GALK2: variants seen among roughly 807,000 people sequenced by gnomAD.
The protein encoded by GALK2 is N-acetylgalactosamine kinase.
Under a neutral mutation model 52.4 loss-of-function variants are expected in GALK2, and 36 were observed. The observed-to-expected ratio is 0.69, with a 90% CI of 0.53 to 0.91. The LOEUF is 0.91. GALK2 is among the 40% of genes least tolerant of loss of function. GALK2 has a pLI of 0.00. For missense variants in GALK2, 579 were observed against 559.1 expected (o/e 1.04, Z -0.36); for synonymous variants, 176 against 199.1 (o/e 0.88, Z 0.98).
intron 1 of GALK2, among the ~76,000 whole-genome samples, chr15:49,159,665 A>G (rs2084583669): frequency 6.6e-6 from 1 of 152,086 alleles, no homozygotes; most frequent in Admixed American, 6.6e-5. Context: ...TTGAATTGAC[A>G]CCTTTTTGGT....
At chr15:49,305,337 C>A (rs538402316) in intron 8 of GALK2, among the ~76,000 whole-genome samples, 3 of 152,076 alleles carry the variant, frequency 2.0e-5, no homozygotes, top group Non-Finnish European at 4.4e-5. Flanking sequence ...AGGTTTCAGA[C>A]GAAAATATGA....
intron 9 of GALK2, among the ~76,000 whole-genome samples, chr15:49,322,285 T>A (rs1298202760): frequency 6.6e-6 from 1 of 152,238 alleles, no homozygotes; most frequent in African/African-American, 2.4e-5. Flanking sequence ...TTCATGATTG[T>A]TTTGTTTGGA....
chr15:49,209,225 G>C (rs2088598374), intron 2 of GALK2, among the ~76,000 whole-genome samples: 1 of 152,148 alleles, frequency 6.6e-6, no homozygotes, highest in Non-Finnish European at 1.5e-5. Flanking sequence ...AGCTCTAAAA[G>C]CTTTTTATGG....
At chr15:49,288,979 A>G (rs909556150) in intron 7 of GALK2, among the ~76,000 whole-genome samples, 1 of 152,188 alleles carries the variant, frequency 6.6e-6, no homozygotes, top group African/African-American at 2.4e-5. Flanking sequence ...CTTCTGGCAT[A>G]TACTTCATTA....
rs7173929 is a variant in GALK2, at chr15:49,236,259, G to A, written c.357+318G>A. Among the ~76,000 whole-genome samples the A allele has an allele frequency of 1.1e-3, 171 of 152,166 alleles. 2 individuals are homozygous for A. Among genetic ancestry groups the A allele is most frequent in the African/African-American group, 4.1e-3 (169 of 41,488 alleles). On this transcript the variant is annotated intron_variant, in intron 4 of 9. Coordinates refer to ENST00000560031, the MANE Select transcript of GALK2 (RefSeq NM_002044.4). ...ATACTATTATTTACATTTATACTTG[G>A]GATGTATAGGGGTATACTGTAATAG...
At chr15:49,182,302 C>T (rs917550089) in intron 1 of GALK2, among the ~76,000 whole-genome samples, 1 of 152,192 alleles carries the variant, frequency 6.6e-6, no homozygotes, top group South Asian at 2.1e-4. Context: ...CAGATCCATC[C>T]ATGTTGCTGC....
chr15:49,302,415 C>T (rs1000821637), intron 8 of GALK2, among the ~76,000 whole-genome samples: 2 of 152,000 alleles, frequency 1.3e-5, no homozygotes, highest in African/African-American at 2.4e-5. Context: ...CTCAACTTGG[C>T]CATAATATGC....
intron 1 of GALK2, among the ~76,000 whole-genome samples, chr15:49,186,737 C>A (rs2086376441): frequency 6.6e-6 from 1 of 152,036 alleles, no homozygotes; most frequent in African/African-American, 2.4e-5. Flanking sequence ...CAGGGTTTCA[C>A]CATGTTGGCC....
At chr15:49,255,348 A>T (rs2091770663) in intron 5 of GALK2, among the ~76,000 whole-genome samples, 1 of 142,744 alleles carries the variant, frequency 7.0e-6, no homozygotes, top group Admixed American at 7.1e-5. Context: ...CAATAATTGG[A>T]TTTAATTAAT....
At chr15:49,206,241 T>TTTTA (rs559709369) in intron 2 of GALK2, among the ~76,000 whole-genome samples, 3 of 151,684 alleles carry the variant, frequency 2.0e-5, no homozygotes, top group Non-Finnish European at 4.4e-5. Flanking sequence ...CCATATGAAT[T>TTTTA]TTTATTTATT....
In GALK2 at chr15:49,217,267, G is replaced by A; in HGVS notation, c.220G>A (p.Val74Met). 6.2e-7 allele frequency: 1 copy of A among 1,613,852 alleles called. No individual in the cohort carries two copies. The highest frequency in any genetic ancestry group is 8.5e-7 in the Non-Finnish European group (1 of 1,179,770). Residue 74 changes from valine (V) to methionine (M), a missense_variant, in exon 3 of 10, where the codon GTG becomes ATG. Coordinates refer to ENST00000560031, the MANE Select transcript of GALK2 (RefSeq NM_002044.4). Reference protein sequence around the residue: ...EQDVLIAVEPVKTYALQLANT... With the variant: ...EQDVLIAVEPMKTYALQLANT... ...AGATGTGCTAATAGCTGTAGAACCTGTGAAAACGTACGCTCTCCAACTGGC... is the reference window on the plus strand; with the variant it reads ...AGATGTGCTAATAGCTGTAGAACCTATGAAAACGTACGCTCTCCAACTGGC...
intron 3 of GALK2, chr15:49,366,802 G>T (rs1264195275): frequency 3.5e-6 from 2 of 564,128 alleles, no homozygotes; most frequent in Admixed American, 3.5e-5. Flanking sequence ...TGGGATCGCC[G>T]CTGCTGCAGG....
chr15:49,162,532 T>C (rs1566893411), intron 1 of GALK2, among the ~76,000 whole-genome samples: 1 of 152,256 alleles, frequency 6.6e-6, no homozygotes, highest in Non-Finnish European at 1.5e-5. Context: ...CTACCCATTA[T>C]CTATTTCCTT....
intron 3 of GALK2, among the ~76,000 whole-genome samples, chr15:49,346,104 G>A (rs1261183126): frequency 6.7e-6 from 1 of 150,190 alleles, no homozygotes; most frequent in Non-Finnish European, 1.5e-5. Flanking sequence ...TGCTGAACAC[G>A]AAACTTAACC....
chr15:49,184,165 A>G (rs1490509633), intron 1 of GALK2, among the ~76,000 whole-genome samples: 2 of 151,842 alleles, frequency 1.3e-5, no homozygotes, highest in East Asian at 1.9e-4. Context: ...AGGTGCATAT[A>G]TATTTACAAT....
intron 7 of GALK2, among the ~76,000 whole-genome samples, chr15:49,289,842 A>G (rs541217008): frequency 1.3e-5 from 2 of 152,172 alleles, no homozygotes; most frequent in South Asian, 4.1e-4. Flanking sequence ...CCAACCTAAA[A>G]CAGAGTTTTA....
At chr15:49,236,990 C>T (rs1435403522) in intron 4 of GALK2, among the ~76,000 whole-genome samples, 1 of 152,134 alleles carries the variant, frequency 6.6e-6, no homozygotes, top group Non-Finnish European at 1.5e-5. Flanking sequence ...TAATAACTTA[C>T]AGGAAAAGTT....
intron 1 of GALK2, among the ~76,000 whole-genome samples, chr15:49,159,196 C>A (rs371428781): frequency 3.3e-5 from 5 of 152,138 alleles, no homozygotes; most frequent in African/African-American, 1.2e-4. Flanking sequence ...ATAATTCATG[C>A]CATTATTGTT....
chr15:49,228,158 T>C (rs2090245492), intron 3 of GALK2, among the ~76,000 whole-genome samples: 1 of 152,202 alleles, frequency 6.6e-6, no homozygotes, highest in African/African-American at 2.4e-5. Context: ...TTTCTTGTTG[T>C]CTTTGACTTT....
Sources: gnomAD v4.1 joint callset for allele counts (sites outside exome capture counted in the v4.1 genomes callset) on GRCh38, gnomAD v4.1.1 for gene constraint, MANE v1.5 for transcripts, NCBI Gene and HGNC (gene_info 2026-07-23, HGNC 2026-07-21) for gene names.